Variants in CNTLN observed in about 807,000 individuals in gnomAD.
CNTLN encodes centlein, also known as centlein, centrosomal protein.
A neutral mutation model predicts 180.0 loss-of-function variants in CNTLN; 212 were observed. That is an observed-to-expected ratio of 1.18 (90% CI 1.05 to 1.32). The LOEUF (loss-of-function observed/expected upper bound fraction) is 1.32, where lower values mean the gene tolerates loss of function less well. CNTLN is among the 40% of genes most tolerant of loss of function. The pLI is 0.00. For synonymous variants in CNTLN, 722 were observed against 563.1 expected (o/e 1.28, Z -3.99); for missense variants, 2,095 against 1,610.9 (o/e 1.30, Z -5.14).
intron 5 of CNTLN, among the ~76,000 whole-genome samples, chr9:17,268,635 A>T (rs1420205260): frequency 6.6e-6 from 1 of 152,138 alleles, no homozygotes; most frequent in Non-Finnish European, 1.5e-5. Flanking sequence ...CCCTGCCCCC[A>T]GAGGTGGAGC....
intron 5 of CNTLN, among the ~76,000 whole-genome samples, chr9:17,260,904 A>T (rs1303711253): frequency 6.6e-6 from 1 of 151,346 alleles, no homozygotes; most frequent in East Asian, 1.9e-4. Flanking sequence ...CTAGCCAGTT[A>T]TCTCAGCACC....
At chr9:17,466,158 T>G (rs1831735211) in intron 22 of CNTLN, 40 bp downstream of exon 22, 1 of 1,533,186 alleles carries the variant, frequency 6.5e-7, no homozygotes, top group Non-Finnish European at 8.9e-7. Context: ...ACAGATGGAA[T>G]ATAATCGTGT....
chr9:17,206,518 A>G (rs1822934513), intron 2 of CNTLN, among the ~76,000 whole-genome samples: 1 of 152,208 alleles, frequency 6.6e-6, no homozygotes, highest in South Asian at 2.1e-4. Context: ...TTGCAAAGCC[A>G]TGGTGGGTGT....
intron 12 of CNTLN, among the ~76,000 whole-genome samples, chr9:17,366,267 A>C (rs371940520): frequency 2.6e-5 from 4 of 151,334 alleles, no homozygotes; most frequent in East Asian, 2.0e-4. Flanking sequence ...CTAGGACTAC[A>C]GGTGCGCGTA....
chr9:17,326,926 G>T (rs549104514), intron 8 of CNTLN, among the ~76,000 whole-genome samples: 1 of 152,232 alleles, frequency 6.6e-6, no homozygotes, highest in East Asian at 1.9e-4. Context: ...TCCTAGATGG[G>T]ATCCTGAAAC....
chr9:17,268,659 C>G (rs1587423439), intron 5 of CNTLN, among the ~76,000 whole-genome samples: 1 of 152,144 alleles, frequency 6.6e-6, no homozygotes. Flanking sequence ...CAGAGGCAGG[C>G]AGGCCTCCTT....
chr9:17,422,722 T>G (rs1828806941), intron 18 of CNTLN, among the ~76,000 whole-genome samples: 1 of 152,148 alleles, frequency 6.6e-6, no homozygotes, highest in Non-Finnish European at 1.5e-5. Context: ...GGTGCCTTAT[T>G]TAGTTCATTT....
chr9:17,478,615 T>G (rs1394977294), intron 23 of CNTLN, among the ~76,000 whole-genome samples: 1 of 152,138 alleles, frequency 6.6e-6, no homozygotes, highest in Admixed American at 6.5e-5. Flanking sequence ...AGAAATTTTA[T>G]GCTTTCAGGT....
At chr9:17,265,925 CTCT>C (rs1827395987) in intron 5 of CNTLN, among the ~76,000 whole-genome samples, 1 of 151,950 alleles carries the variant, frequency 6.6e-6, no homozygotes, top group Non-Finnish European at 1.5e-5. Context: ...TGATTCTTCT[CTCT>C]TTTTTTCTTT....
chr9:17,219,872 T>G (rs761055478), intron 2 of CNTLN, among the ~76,000 whole-genome samples: 10 of 152,080 alleles, frequency 6.6e-5, no homozygotes, highest in Non-Finnish European at 1.5e-4. Flanking sequence ...TGTTGTATCC[T>G]CATATGACAC....
Position 17,383,951 on chromosome 9 carries a change from T to A in CNTLN, c.1988-4211T>A, listed in dbSNP as rs189732640. ...CCTTGCCCGGCCCGTAACATGAAAT[T>A]TATATGAAATCAGAAACACAGTTAC... On this transcript the variant is annotated intron_variant, in intron 13 of 25. Coordinates refer to ENST00000380647, the MANE Select transcript of CNTLN (RefSeq NM_017738.4). Among the ~76,000 whole-genome samples the A allele has an allele frequency of 4.3e-4, 65 of 152,252 alleles. 1 individual carries two copies. In the East Asian group the frequency reaches 0.012, roughly 29 times the overall value.
intron 2 of CNTLN, among the ~76,000 whole-genome samples, chr9:17,145,796 T>A (rs2131461543): frequency 6.6e-6 from 1 of 152,340 alleles, no homozygotes; most frequent in East Asian, 1.9e-4. Context: ...CGTTTCTTTT[T>A]TGTCGGATTA....
chr9:17,270,294 A>G (rs1381501810), intron 5 of CNTLN, among the ~76,000 whole-genome samples: 1 of 151,758 alleles, frequency 6.6e-6, no homozygotes, highest in African/African-American at 2.4e-5. Flanking sequence ...CTGTATTCCT[A>G]TTTTGTTGTT....
At chr9:17,382,398 C>G (rs1351178418) in intron 13 of CNTLN, among the ~76,000 whole-genome samples, 1 of 152,048 alleles carries the variant, frequency 6.6e-6, no homozygotes, top group African/African-American at 2.4e-5. Flanking sequence ...AATGGTCATC[C>G]TACTTTAACT....
intron 2 of CNTLN, among the ~76,000 whole-genome samples, chr9:17,221,728 C>T (rs759148466): frequency 3.9e-5 from 6 of 151,928 alleles, no homozygotes; most frequent in Admixed American, 2.6e-4. Flanking sequence ...TTTCCTGGCC[C>T]GCTTACTATC....
At chr9:17,280,855 G>A (rs1828615815) in intron 6 of CNTLN, among the ~76,000 whole-genome samples, 1 of 152,138 alleles carries the variant, frequency 6.6e-6, no homozygotes, top group Admixed American at 6.6e-5. Flanking sequence ...GCATGCAGCT[G>A]GTTATCCTCA....
At chr9:17,184,674 A>G (rs1201828567) in intron 2 of CNTLN, among the ~76,000 whole-genome samples, 2 of 152,164 alleles carry the variant, frequency 1.3e-5, no homozygotes, top group Non-Finnish European at 2.9e-5. Flanking sequence ...CAATCCAGCC[A>G]CTTTAGCAGA....
chr9:17,147,238 C>T (rs552882772), intron 2 of CNTLN, among the ~76,000 whole-genome samples: 1 of 152,248 alleles, frequency 6.6e-6, no homozygotes, highest in African/African-American at 2.4e-5. Flanking sequence ...TTAAGTCAGG[C>T]CCTTTTCTAA....
intron 13 of CNTLN, among the ~76,000 whole-genome samples, chr9:17,383,256 G>A (rs1026045452): frequency 1.4e-4 from 21 of 151,974 alleles, no homozygotes; most frequent in African/African-American, 3.1e-4. Flanking sequence ...CCAACATGGC[G>A]CTGTGGCTCA....
Sources: gnomAD v4.1 joint callset for allele counts (sites outside exome capture counted in the v4.1 genomes callset) on GRCh38, gnomAD v4.1.1 for gene constraint, MANE v1.5 for transcripts, NCBI Gene and HGNC (gene_info 2026-07-23, HGNC 2026-07-21) for gene names.